Variants in PLD5 observed in about 807,000 individuals in gnomAD.
PLD5 encodes phospholipase D family member 5.
In PLD5, 36 loss-of-function variants were observed where a neutral mutation model predicts 61.1. The observed-to-expected ratio is 0.59, with a 90% CI of 0.45 to 0.78. The LOEUF is 0.78. Among genes scored for constraint, PLD5 ranks in the 30% least tolerant of loss-of-function variants. The probability of loss-of-function intolerance (pLI) is 0.00; values close to 1 mark genes in which losing one functional copy is unlikely to be tolerated. For synonymous variants in PLD5, 243 were observed against 242.8 expected, an observed-to-expected ratio of 1.00 and a Z score of -0.01; for missense variants, 515 against 644.4, an observed-to-expected ratio of 0.80 and a Z score of 2.17.
intron 5 of PLD5, among the ~76,000 whole-genome samples, chr1:242,130,673 G>A (rs79105663): frequency 0.017 from 2,569 of 152,068 alleles, 75 homozygotes; most frequent in African/African-American, 0.059. Flanking sequence ...TCTGCCTGGC[G>A]ATAGGTTGCT....
At chr1:242,101,184 T>C (rs1487213975) in intron 8 of PLD5, among the ~76,000 whole-genome samples, 1 of 152,310 alleles carries the variant, frequency 6.6e-6, no homozygotes, top group South Asian at 2.1e-4. Flanking sequence ...GCATACATTA[T>C]GTCAATGACT....
At chr1:242,438,853 T>G (rs1666137500) in intron 1 of PLD5, among the ~76,000 whole-genome samples, 1 of 152,206 alleles carries the variant, frequency 6.6e-6, no homozygotes, top group Non-Finnish European at 1.5e-5. Flanking sequence ...AGTTTCCTAC[T>G]TTCAGAGTTT....
intron 1 of PLD5, among the ~76,000 whole-genome samples, chr1:242,498,075 C>G (rs1300508589): frequency 6.6e-6 from 1 of 152,170 alleles, no homozygotes; most frequent in East Asian, 1.9e-4. Context: ...AGCAATTGTC[C>G]TGCCTCAGCC....
At chr1:242,411,757 C>T (rs1503796) in intron 1 of PLD5, among the ~76,000 whole-genome samples, 21,506 of 152,078 alleles carry the variant, frequency 0.14, 1,615 homozygotes, top group African/African-American at 0.19. Flanking sequence ...CCATTGGCAA[C>T]GTCTTGCAAA....
At chr1:242,132,189 T>TTG (rs1663316778) in intron 5 of PLD5, among the ~76,000 whole-genome samples, 1 of 11,810 alleles carries the variant, frequency 8.5e-5, no homozygotes, top group Non-Finnish European at 2.5e-4. Flanking sequence ...AATGCAGTGA[T>TTG]TGCGGGGGGG....
chr1:242,493,720 G>A (rs1217584888), intron 1 of PLD5, among the ~76,000 whole-genome samples: 1 of 152,108 alleles, frequency 6.6e-6, no homozygotes, highest in East Asian at 1.9e-4. Context: ...TGCCCTCTGG[G>A]GCCTCCAGCA....
chr1:242,405,549 T>A (rs1664188657), intron 1 of PLD5, among the ~76,000 whole-genome samples: 1 of 152,034 alleles, frequency 6.6e-6, no homozygotes, highest in Non-Finnish European at 1.5e-5. Context: ...CACCTTTTTC[T>A]CCAGTCATGA....
intron 2 of PLD5, among the ~76,000 whole-genome samples, chr1:242,318,091 A>T (rs942056157): frequency 3.3e-5 from 5 of 152,200 alleles, no homozygotes; most frequent in Non-Finnish European, 7.3e-5. Context: ...AATATTTTTT[A>T]AAAGTGGCTC....
chr1:242,176,722 T>TA (rs1384383316), intron 5 of PLD5, among the ~76,000 whole-genome samples: 2 of 152,014 alleles, frequency 1.3e-5, no homozygotes, highest in African/African-American at 2.4e-5. Context: ...ACAAAGAACT[T>TA]AAACAAATTT....
At chr1:242,210,133 C>T (rs1278037195) in intron 5 of PLD5, among the ~76,000 whole-genome samples, 6 of 152,174 alleles carry the variant, frequency 3.9e-5, no homozygotes, top group Non-Finnish European at 7.3e-5. Flanking sequence ...TAATGATGAA[C>T]CTCAGTGAGA....
chr1:242,266,794 G>C (rs1158051107), intron 3 of PLD5, among the ~76,000 whole-genome samples: 1 of 152,232 alleles, frequency 6.6e-6, no homozygotes, highest in Non-Finnish European at 1.5e-5. Context: ...TGGAGGCAGA[G>C]AGGTGATTCC....
intron 5 of PLD5, among the ~76,000 whole-genome samples, chr1:242,179,184 G>A (rs2148896989): frequency 6.6e-6 from 1 of 151,952 alleles, no homozygotes; most frequent in South Asian, 2.1e-4. Context: ...GATTTCTTGT[G>A]CCCCCAATCA....
chr1:242,522,630 A>C (rs997078356), intron 1 of PLD5, among the ~76,000 whole-genome samples: 5 of 152,220 alleles, frequency 3.3e-5, no homozygotes, highest in Admixed American at 6.5e-5. Context: ...CCTGATACTA[A>C]AATCAGCCAC....
chr1:242,379,608 G>A (rs1342297032), intron 1 of PLD5, among the ~76,000 whole-genome samples: 3 of 151,324 alleles, frequency 2.0e-5, no homozygotes, highest in Non-Finnish European at 2.9e-5. Flanking sequence ...ATTGCTTTTT[G>A]TTTACTACTT....
At chr1:242,439,430 A>G (rs1043725090) in intron 1 of PLD5, among the ~76,000 whole-genome samples, 1 of 152,162 alleles carries the variant, frequency 6.6e-6, no homozygotes, top group Non-Finnish European at 1.5e-5. Flanking sequence ...GCCTGGAAGG[A>G]GCCCACATCA....
chr1:242,122,647 C>A (rs1399679404), intron 6 of PLD5, among the ~76,000 whole-genome samples: 1 of 152,010 alleles, frequency 6.6e-6, no homozygotes, highest in Non-Finnish European at 1.5e-5. Flanking sequence ...TCGTAAAATG[C>A]CCTATAATAT....
At chr1:242,143,336 A>G (rs1664315302) in intron 5 of PLD5, among the ~76,000 whole-genome samples, 1 of 152,164 alleles carries the variant, frequency 6.6e-6, no homozygotes, top group African/African-American at 2.4e-5. Context: ...TACAGAGATG[A>G]GCCACTGCAC....
chr1:242,151,134 T>TTTATGTATTCTAAAACATACAATATATTG lies in PLD5; in HGVS notation c.736-26498_736-26470dup, dbSNP rs1314601299. The stretch of plus-strand genomic sequence containing the variant: ...CTTGGTATTATTGTCATATTTTACT[T>TTTATGTATTCTAAAACATACAATATATTG]TTATGTATTCTAAAACATACAATAT... On this transcript the variant is annotated intron_variant, in intron 5 of 9. Coordinates refer to ENST00000536534, the MANE Select transcript of PLD5 (RefSeq NM_001372062.1). 2.6e-5 allele frequency among the ~76,000 whole-genome samples: 4 copies of TTTATGTATTCTAAAACATACAATATATTG among 151,934 alleles called. No homozygotes were observed. The East Asian group carries it at 7.7e-4, about 29-fold the overall frequency.
At chr1:242,424,799 T>C (rs1665328723) in intron 1 of PLD5, among the ~76,000 whole-genome samples, 3 of 152,144 alleles carry the variant, frequency 2.0e-5, no homozygotes, top group Admixed American at 6.5e-5. Context: ...AATAAAAACC[T>C]CAAAGAGCAA....
Sources: allele counts gnomAD v4.1 joint callset (sites outside exome capture counted in the v4.1 genomes callset), GRCh38; gene constraint gnomAD v4.1.1; transcripts MANE v1.5; gene names NCBI Gene and HGNC (gene_info 2026-07-23, HGNC 2026-07-21).